Variants in TEC observed in about 807,000 individuals in gnomAD.
TEC encodes the protein tec protein tyrosine kinase.
A neutral mutation model predicts 93.0 loss-of-function variants in TEC; 72 were observed. That is an observed-to-expected ratio of 0.77 (90% CI 0.64 to 0.94). The LOEUF is 0.94. TEC is among the 40% of genes least tolerant of loss of function. The probability of loss-of-function intolerance (pLI) is 0.00; values close to 1 mark genes in which losing one functional copy is unlikely to be tolerated. For missense variants in TEC, 630 were observed against 757.9 expected (o/e 0.83, Z 1.98); for synonymous variants, 249 against 247.7 (o/e 1.01, Z -0.05).
intron 12 of TEC, 129 bp downstream of exon 12, chr4:48,146,196 T>G (rs985597436): frequency 3.3e-5 from 25 of 765,850 alleles, no homozygotes; most frequent in Admixed American, 7.9e-5. Flanking sequence ...TATAATTATC[T>G]AAAAACCTAT....
At chr4:48,267,727 G>A (rs1036584784) in intron 1 of TEC, among the ~76,000 whole-genome samples, 51 of 152,122 alleles carry the variant, frequency 3.4e-4, no homozygotes, top group Non-Finnish European at 4.7e-4. Context: ...GAGCATCCAC[G>A]GGGAACCAGC....
chr4:48,220,314 T>G (rs888726541), intron 2 of TEC, among the ~76,000 whole-genome samples: 1 of 151,960 alleles, frequency 6.6e-6, no homozygotes, highest in Non-Finnish European at 1.5e-5. Context: ...GTTTGGATAT[T>G]TGTCCCCTCC....
At chr4:48,248,677 C>A (rs1724123654) in intron 1 of TEC, among the ~76,000 whole-genome samples, 1 of 152,172 alleles carries the variant, frequency 6.6e-6, no homozygotes, top group African/African-American at 2.4e-5. Context: ...GTATCTTTAA[C>A]CACAAATCAC....
At position 48,163,818 on chromosome 4, in the gene TEC, TGAAA is replaced by T. The variant is rs10632072; in HGVS notation, c.672-55_672-52del. ...TAAACTTACTTTACTGGGAGGTTAT[TGAAA>T]GAAAGAAAGATTATTGCCTTTTGAA... On this transcript the variant is annotated intron_variant, in intron 7 of 17. Coordinates refer to ENST00000381501, the MANE Select transcript of TEC (RefSeq NM_003215.3). The T allele has an allele frequency of 7.9e-6, 8 of 1,013,984 alleles. No individual in the cohort carries two copies. In the South Asian group the frequency reaches 8.2e-5, roughly 10 times the overall value. 62.8% of individuals were successfully genotyped at this position (1,013,984 alleles called of 1,614,324 possible).
intron 1 of TEC, among the ~76,000 whole-genome samples, chr4:48,238,540 C>T (rs1353528223): frequency 1.3e-5 from 2 of 152,250 alleles, no homozygotes; most frequent in African/African-American, 4.8e-5. Context: ...CCCCAGTCCA[C>T]TACCATAGGG....
intron 1 of TEC, among the ~76,000 whole-genome samples, chr4:48,265,425 A>G (rs567271181): frequency 1.6e-5 from 2 of 125,818 alleles, no homozygotes; most frequent in Non-Finnish European, 3.3e-5. Context: ...ACACATATAT[A>G]TACACACACA....
At chr4:48,240,053 T>C (rs1280409558) in intron 1 of TEC, among the ~76,000 whole-genome samples, 1 of 152,054 alleles carries the variant, frequency 6.6e-6, no homozygotes, top group Non-Finnish European at 1.5e-5. Flanking sequence ...TTTAAAGATA[T>C]ATACTGAAAA....
rs548950489 is a variant in TEC at position 48,225,775 on chromosome 4, C to A, written c.138+2702G>T. ...CTATGAGAGGCAAACAAATCTGTGACCACATTTCAAGGCATAGGTCACAAG... is the reference window on the plus strand; with the variant it reads ...CTATGAGAGGCAAACAAATCTGTGAACACATTTCAAGGCATAGGTCACAAG... On this transcript the variant is annotated intron_variant, in intron 2 of 17. Transcript: ENST00000381501. Among the ~76,000 whole-genome samples, 3 of 151,382 alleles carry A rather than the reference C, an allele frequency of 2.0e-5. No homozygotes were observed. The East Asian group carries it at 5.8e-4, about 29-fold the overall frequency.
intron 1 of TEC, among the ~76,000 whole-genome samples, chr4:48,239,499 T>C (rs1723870738): frequency 6.8e-6 from 1 of 147,412 alleles, no homozygotes; most frequent in African/African-American, 2.5e-5. Flanking sequence ...GAAAATAAGA[T>C]AAAACAAATT....
rs1241241818 is a variant in TEC at position 48,141,339 on chromosome 4, G to A, written c.1535+16C>T. 2.8e-5 allele frequency: 45 copies of A among 1,610,372 alleles called. No individual in the cohort carries two copies. The highest frequency in any genetic ancestry group is 4.5e-5 in the East Asian group (2 of 44,766). ...AAATGCAAACATCACCTAAAACCAC[G>A]TATACTTGGACATACCTGGCCATTC... On this transcript the variant is annotated intron_variant, in intron 15 of 17. Coordinates refer to ENST00000381501, the MANE Select transcript of TEC (RefSeq NM_003215.3).
At chr4:48,228,945 G>A (rs1385764884) in intron 1 of TEC, among the ~76,000 whole-genome samples, 1 of 152,088 alleles carries the variant, frequency 6.6e-6, no homozygotes, top group Non-Finnish European at 1.5e-5. Flanking sequence ...TAGCTTTCTG[G>A]TGCACTCCTA....
chr4:48,154,079 G>C (rs773422219), intron 9 of TEC, among the ~76,000 whole-genome samples: 1 of 152,162 alleles, frequency 6.6e-6, no homozygotes. Flanking sequence ...CTAACAAAAG[G>C]GAAAATGAAA....
chr4:48,166,015 C>G (rs1396371247), intron 7 of TEC, among the ~76,000 whole-genome samples: 2 of 152,212 alleles, frequency 1.3e-5, no homozygotes, highest in Admixed American at 1.3e-4. Context: ...GACCCCAGAA[C>G]ACCCTGCTCA....
At chr4:48,180,721 G>A (rs910540981) in intron 2 of TEC, among the ~76,000 whole-genome samples, 1 of 152,270 alleles carries the variant, frequency 6.6e-6, no homozygotes, top group Middle Eastern at 3.4e-3. Context: ...CACCAAAGAG[G>A]CTGTCTGAGG....
At chr4:48,159,605 G>A (rs1214785138) in intron 8 of TEC, among the ~76,000 whole-genome samples, 1 of 151,212 alleles carries the variant, frequency 6.6e-6, no homozygotes, top group Non-Finnish European at 1.5e-5. Flanking sequence ...GTCCAGGCTG[G>A]AGTGTAATGG....
At chr4:48,210,994 T>C (rs1509657) in intron 2 of TEC, among the ~76,000 whole-genome samples, 70,895 of 152,064 alleles carry the variant, frequency 0.47, 17,147 homozygotes, top group Admixed American at 0.57. Flanking sequence ...AGCCACTTTA[T>C]CTATACTGAT....
In TEC at chr4:48,162,116, CCAAAA is replaced by C. The variant is rs200900602; in HGVS notation, c.737+1581_737+1585del. Among the ~76,000 whole-genome samples the C allele has an allele frequency of 1.9e-4, 29 of 152,218 alleles. 1 individual carries two copies. The East Asian group carries it at 3.3e-3, about 17-fold the overall frequency. On this transcript the variant is annotated intron_variant, in intron 8 of 17. Coordinates refer to ENST00000381501, the MANE Select transcript of TEC (RefSeq NM_003215.3). ...AATTGTGTTACAGGGTGGGCTTTGG[CCAAAA>C]CAAAACAAAACAGAACATGGAGTAG...
chr4:48,254,820 G>A (rs13144944), intron 1 of TEC, among the ~76,000 whole-genome samples: 33,094 of 152,152 alleles, frequency 0.22, 4,415 homozygotes, highest in Middle Eastern at 0.32. Flanking sequence ...ATGGAGGGGC[G>A]GGGGCTGTTG....
chr4:48,250,889 T>TTGTTGTA (rs1458455670), intron 1 of TEC, among the ~76,000 whole-genome samples: 3 of 152,154 alleles, frequency 2.0e-5, no homozygotes, highest in African/African-American at 7.2e-5. Flanking sequence ...TAAATCCTAA[T>TTGTTGTA]TGTTGTATGC....
Sources: allele counts gnomAD v4.1 joint callset (sites outside exome capture counted in the v4.1 genomes callset), GRCh38; gene constraint gnomAD v4.1.1; transcripts MANE v1.5; gene names NCBI Gene and HGNC (gene_info 2026-07-23, HGNC 2026-07-21).